GAS7: variants seen among roughly 807,000 people sequenced by gnomAD.
The protein encoded by GAS7 is growth arrest-specific protein 7.
In GAS7, 28 loss-of-function variants were observed where a neutral mutation model predicts 71.1. The observed-to-expected ratio is 0.39, with a 90% CI of 0.29 to 0.54. The LOEUF is 0.54. GAS7 is among the 20% of genes least tolerant of loss of function. The pLI, the probability that GAS7 is intolerant of heterozygous loss-of-function variation, is 0.62. For missense variants in GAS7, 436 were observed against 627.8 expected, an observed-to-expected ratio of 0.69 and a Z score of 3.27; for synonymous variants, 258 against 245.8, an observed-to-expected ratio of 1.05 and a Z score of -0.46.
At chr17:10,087,971 T>C (rs562071603) in intron 1 of GAS7, among the ~76,000 whole-genome samples, 1 of 152,108 alleles carries the variant, frequency 6.6e-6, no homozygotes, top group South Asian at 2.1e-4. Flanking sequence ...CTACACAATT[T>C]CAGTAAATAA....
chr17:10,050,210 T>G (rs1278041000), intron 1 of GAS7, among the ~76,000 whole-genome samples: 1 of 152,150 alleles, frequency 6.6e-6, no homozygotes, highest in South Asian at 2.1e-4. Flanking sequence ...ACATTTGACA[T>G]CCCCTAAAAT....
intron 2 of GAS7, among the ~76,000 whole-genome samples, chr17:9,983,648 C>T (rs189173327): frequency 1.3e-5 from 2 of 151,258 alleles, no homozygotes; most frequent in Non-Finnish European, 2.9e-5. Flanking sequence ...ATTAGCTGGG[C>T]GCGATGGTGT....
rs755233742 is a variant in GAS7, at chr17:10,198,319, G to A, written c.72C>T (p.Ala24=). ...GERHGQGLRF[A]AGELITLLQV... is the part of the protein sequence containing the mutation. ...GCAGCAGCGTGATCAGCTCGCCCGC[G>A]GCGAAGCGCAGCCCCTGGCCGTGCC... Residue 24 remains alanine (A), a synonymous_variant, in exon 1 of 14, where the codon GCC becomes GCT. Transcript: ENST00000432992. The A allele has an allele frequency of 7.5e-6, 12 of 1,601,918 alleles. No individual in the cohort carries two copies. In the East Asian group the frequency reaches 2.2e-4, roughly 30 times the overall value.
intron 1 of GAS7, among the ~76,000 whole-genome samples, chr17:10,161,297 T>C (rs974362461): frequency 6.6e-6 from 1 of 152,158 alleles, no homozygotes; most frequent in Non-Finnish European, 1.5e-5. Flanking sequence ...GGGTGACATG[T>C]CCATTTCTGG....
In GAS7 at chr17:10,124,005, G is replaced by A. The variant is rs373972423; in HGVS notation, c.183+74203C>T. On this transcript the variant is annotated intron_variant, in intron 1 of 13. Transcript: ENST00000432992. Reference sequence around the variant, plus strand: ...CATCTGGGAGCCCTTGCCAGGCCTCGCAGGGCTGGCTGAAGAAGCTGGACT... The same window carrying A: ...CATCTGGGAGCCCTTGCCAGGCCTCACAGGGCTGGCTGAAGAAGCTGGACT... 2.1e-3 allele frequency among the ~76,000 whole-genome samples: 319 copies of A among 152,320 alleles called. 8 individuals carry two copies. The South Asian group carries it at 0.048, about 23-fold the overall frequency.
rs2073737392 is a variant in GAS7 at position 10,104,319 on chromosome 17, A to G, written c.184-84422T>C. Reference sequence around the variant, plus strand: ...GAAACCATGACTGCTCTGGGCTCCCATGACATCTCATGGGTTTTCTCAAGT... The same window carrying G: ...GAAACCATGACTGCTCTGGGCTCCCGTGACATCTCATGGGTTTTCTCAAGT... On this transcript the variant is annotated intron_variant, in intron 1 of 13. Coordinates refer to ENST00000432992, the MANE Select transcript of GAS7 (RefSeq NM_201433.2). Among the ~76,000 whole-genome samples, 3 of 152,108 alleles carry G rather than the reference A, an allele frequency of 2.0e-5. No homozygotes were observed. In the South Asian group the frequency reaches 6.2e-4, roughly 32 times the overall value.
At chr17:10,051,505 C>T (rs752231844) in intron 1 of GAS7, among the ~76,000 whole-genome samples, 1 of 152,162 alleles carries the variant, frequency 6.6e-6, no homozygotes, top group Non-Finnish European at 1.5e-5. Context: ...TTTCTTGGCT[C>T]GCATGGACTG....
intron 1 of GAS7, among the ~76,000 whole-genome samples, chr17:10,188,284 C>T (rs1437011843): frequency 6.6e-6 from 1 of 152,180 alleles, no homozygotes; most frequent in Non-Finnish European, 1.5e-5. Context: ...TACTGAACCC[C>T]TTCCGCATGT....
Position 9,918,049 on chromosome 17 carries a change from C to T in GAS7, c.1269G>A (p.Leu423=). Residue 423 remains leucine (L), a synonymous_variant, in exon 13 of 14, where the codon CTG becomes CTA. Coordinates refer to ENST00000432992, the MANE Select transcript of GAS7 (RefSeq NM_201433.2). ...VERVEMIRQH[L]CQYTQLRHET... The stretch of plus-strand genomic sequence containing the variant: ...CATGCCGCAGCTGCGTGTACTGGCA[C>T]AGGTGCTGCCGGATCATCTCTACCC... 6.2e-7 allele frequency: 1 copy of T among 1,614,032 alleles called. No homozygotes were observed. Among genetic ancestry groups the T allele is most frequent in the Non-Finnish European group, 8.5e-7 (1 of 1,179,894 alleles).
intron 1 of GAS7, among the ~76,000 whole-genome samples, chr17:10,132,741 G>T (rs2142088398): frequency 6.8e-6 from 1 of 147,606 alleles, no homozygotes; most frequent in East Asian, 2.0e-4. Context: ...CTGGGCGACA[G>T]AGTAAGACCC....
intron 5 of GAS7, among the ~76,000 whole-genome samples, chr17:9,951,298 G>A (rs2068993708): frequency 6.6e-6 from 1 of 152,244 alleles, no homozygotes; most frequent in African/African-American, 2.4e-5. Context: ...AGTAAATTGA[G>A]CATTAAGAAT....
At chr17:10,059,680 G>C in intron 1 of GAS7, 22 of 985,130 alleles carry the variant, frequency 2.2e-5, no homozygotes, top group Non-Finnish European at 2.7e-5. Context: ...CAGAGCCCTG[G>C]TTCCAACTCA....
At chr17:10,038,478 G>A (rs770070641) in intron 1 of GAS7, among the ~76,000 whole-genome samples, 1 of 152,210 alleles carries the variant, frequency 6.6e-6, no homozygotes, top group Non-Finnish European at 1.5e-5. Context: ...GGAAAATAGT[G>A]TGTTAATTCT....
chr17:10,096,970 G>A (rs1461923405), intron 1 of GAS7, among the ~76,000 whole-genome samples: 1 of 152,170 alleles, frequency 6.6e-6, no homozygotes, highest in African/African-American at 2.4e-5. Flanking sequence ...CCCTCACCCT[G>A]CAGCTATGCC....
intron 1 of GAS7, among the ~76,000 whole-genome samples, chr17:10,047,548 GA>G (rs1379857310): frequency 7.9e-5 from 12 of 152,146 alleles, no homozygotes; most frequent in African/African-American, 2.9e-4. Flanking sequence ...GCAGGGTGAG[GA>G]AACACCATCC....
At chr17:10,003,122 C>T (rs2071335705) in intron 2 of GAS7, among the ~76,000 whole-genome samples, 1 of 152,226 alleles carries the variant, frequency 6.6e-6, no homozygotes, top group Non-Finnish European at 1.5e-5. Context: ...AAGCAGAAGG[C>T]TGGGGCTGGC....
At chr17:9,986,736 T>C (rs1276465847) in intron 2 of GAS7, among the ~76,000 whole-genome samples, 1 of 152,190 alleles carries the variant, frequency 6.6e-6, no homozygotes, top group Non-Finnish European at 1.5e-5. Flanking sequence ...GTAAGTACCA[T>C]ATCCCTCCCC....
intron 5 of GAS7, among the ~76,000 whole-genome samples, chr17:9,949,616 G>A (rs1008740658): frequency 2.0e-5 from 3 of 152,150 alleles, no homozygotes; most frequent in African/African-American, 7.2e-5. Flanking sequence ...CTTACATGTG[G>A]TTAAGGTGAG....
rs961627963 is a variant in GAS7 at position 9,915,284 on chromosome 17, A to T, written c.*1944T>A. 1 of 230,702 alleles carries T rather than the reference A, an allele frequency of 4.3e-6. No individual in the cohort carries two copies. Among genetic ancestry groups the T allele is most frequent in the South Asian group, 1.8e-4 (1 of 5,510 alleles). 14.3% of individuals were successfully genotyped at this position (230,702 alleles called of 1,614,324 possible). On this transcript the variant is annotated 3_prime_UTR_variant, in exon 14 of 14. Transcript: ENST00000432992. ...AAAATATCTTGTTAATAACAAGGCT[A>T]TTGGCTTTGAATGTTTGGAAATCAT... is the stretch of plus-strand genomic sequence containing the variant.
Sources: gnomAD v4.1 joint callset for allele counts (sites outside exome capture counted in the v4.1 genomes callset) on GRCh38, gnomAD v4.1.1 for gene constraint, MANE v1.5 for transcripts, NCBI Gene and HGNC (gene_info 2026-07-23, HGNC 2026-07-21) for gene names.